Variants in PRPSAP1 observed in about 807,000 individuals in gnomAD.
PRPSAP1 encodes the protein phosphoribosyl pyrophosphate synthetase associated protein 1.
A neutral mutation model predicts 39.4 loss-of-function variants in PRPSAP1; 31 were observed. That is an observed-to-expected ratio of 0.79 (90% CI 0.59 to 1.06). PRPSAP1 has a LOEUF of 1.06. Ranked by LOEUF, PRPSAP1 falls within the 50% of genes least tolerant of loss-of-function variation. The pLI is 0.00. For synonymous variants in PRPSAP1, 212 were observed against 192.6 expected (o/e 1.10, Z -0.83); for missense variants, 430 against 511.6 (o/e 0.84, Z 1.54).
At chr17:76,331,161 C>G (rs1157235753) in intron 4 of PRPSAP1, among the ~76,000 whole-genome samples, 1 of 152,070 alleles carries the variant, frequency 6.6e-6, no homozygotes, top group East Asian at 1.9e-4. Flanking sequence ...AAGAATGTTT[C>G]AAGTATTCTT....
At chr17:76,313,109 T>C in intron 8 of PRPSAP1, 93 bp from the exon 9 acceptor site, 1 of 1,399,000 alleles carries the variant, frequency 7.1e-7, no homozygotes, top group Non-Finnish European at 9.5e-7. Context: ...CTGCACTCAG[T>C]TTCAGAGGAT....
chr17:76,336,683 G>T (rs1219807783), intron 3 of PRPSAP1, among the ~76,000 whole-genome samples: 2 of 130,144 alleles, frequency 1.5e-5, no homozygotes, highest in Admixed American at 1.8e-4. Context: ...GGTGAGCCGA[G>T]ATCATGCCAT....
intron 1 of PRPSAP1, among the ~76,000 whole-genome samples, chr17:76,352,134 C>T (rs1463734045): frequency 6.6e-6 from 1 of 151,610 alleles, no homozygotes; most frequent in Non-Finnish European, 1.5e-5. Flanking sequence ...CATTTCCCCC[C>T]AGAAGTTTAA....
intron 3 of PRPSAP1, among the ~76,000 whole-genome samples, chr17:76,333,447 G>A (rs1054915276): frequency 5.3e-5 from 8 of 151,828 alleles, no homozygotes; most frequent in Non-Finnish European, 1.0e-4. Flanking sequence ...GAGGCTGGAC[G>A]CAGCCCAGCC....
At chr17:76,332,235 G>GTCC (rs1205156531) in intron 4 of PRPSAP1, 28 bp downstream of exon 4, 3 of 1,608,470 alleles carry the variant, frequency 1.9e-6, no homozygotes, top group African/African-American at 2.7e-5. Context: ...GATCATGCTG[G>GTCC]AACCCCAGGG....
chr17:76,315,698 C>T (rs967974592), intron 7 of PRPSAP1, among the ~76,000 whole-genome samples: 46 of 120,380 alleles, frequency 3.8e-4, no homozygotes, highest in African/African-American at 1.9e-3. Context: ...TTGACCTATC[C>T]GCTTTTTTTT....
chr17:76,344,952 T>G (rs2071480007), intron 2 of PRPSAP1, among the ~76,000 whole-genome samples: 1 of 151,002 alleles, frequency 6.6e-6, no homozygotes, highest in African/African-American at 2.4e-5. Flanking sequence ...AATACAAGAA[T>G]TAGCTGGGCG....
chr17:76,329,074 A>G (rs1218535905), intron 6 of PRPSAP1: 1 of 360,166 alleles, frequency 2.8e-6, no homozygotes, highest in Non-Finnish European at 4.8e-6. Flanking sequence ...GATTCTAGAC[A>G]TTTTTTTTTT....
At chr17:76,312,802 T>G (rs2071082220) in intron 9 of PRPSAP1, 68 bp downstream of exon 9, 3 of 1,547,630 alleles carry the variant, frequency 1.9e-6, no homozygotes, top group African/African-American at 1.4e-5. Context: ...TAGTATTGAC[T>G]GAATCATTTT....
At chr17:76,330,851 A>G (rs563865953) in intron 4 of PRPSAP1, among the ~76,000 whole-genome samples, 185 bp from the exon 5 acceptor site, 1 of 152,334 alleles carries the variant, frequency 6.6e-6, no homozygotes, top group East Asian at 1.9e-4. Context: ...GAAGGCTACA[A>G]CCTTCCACAT....
At chr17:76,332,159 A>G (rs569615401) in intron 4 of PRPSAP1, 104 bp downstream of exon 4, 1 of 1,390,292 alleles carries the variant, frequency 7.2e-7, no homozygotes, top group South Asian at 1.4e-5. Flanking sequence ...AAAGGAAACA[A>G]ACACTCAGAT....
intron 3 of PRPSAP1, among the ~76,000 whole-genome samples, chr17:76,342,642 C>T (rs903426577): frequency 6.6e-6 from 1 of 151,038 alleles, no homozygotes; most frequent in Non-Finnish European, 1.5e-5. Context: ...GCTTTGAGTT[C>T]AGGAGCTTAA....
chr17:76,326,329 T>C (rs1567801730), intron 7 of PRPSAP1, among the ~76,000 whole-genome samples: 1 of 152,184 alleles, frequency 6.6e-6, no homozygotes, highest in Non-Finnish European at 1.5e-5. Flanking sequence ...TAGATGTTCA[T>C]TTTGATGAGA....
At chr17:76,345,119 C>T (rs909134270) in intron 2 of PRPSAP1, among the ~76,000 whole-genome samples, 3 of 151,320 alleles carry the variant, frequency 2.0e-5, no homozygotes, top group South Asian at 2.1e-4. Context: ...CCTGTAGTCC[C>T]AGCTACTCGG....
intron 3 of PRPSAP1, among the ~76,000 whole-genome samples, chr17:76,343,975 C>T (rs975776019): frequency 6.6e-6 from 1 of 151,962 alleles, no homozygotes; most frequent in African/African-American, 2.4e-5. Flanking sequence ...TTTGGTGAGA[C>T]AGTCTCACTC....
chr17:76,341,252 T>C (rs1255443983), intron 3 of PRPSAP1, among the ~76,000 whole-genome samples: 3 of 109,466 alleles, frequency 2.7e-5, no homozygotes, highest in Non-Finnish European at 6.2e-5. Context: ...TTTTTTTTTT[T>C]TTTGAGATAA....
In PRPSAP1 at chr17:76,324,236, G is replaced by A. The variant is rs117918637; in HGVS notation, c.781+4481C>T. 6.8e-3 allele frequency among the ~76,000 whole-genome samples: 1,039 copies of A among 151,956 alleles called. 42 individuals carry two copies. The highest frequency in any genetic ancestry group is 0.049 in the East Asian group (254 of 5,170). ...ATAAGTGTGATCATTGGGTGTTCAC[G>A]CTTACATGTGAGATGTGCCATCCTT... On this transcript the variant is annotated intron_variant, in intron 7 of 9. Transcript: ENST00000446526.
At chr17:76,312,593 T>A (rs1403360838) in intron 9 of PRPSAP1, among the ~76,000 whole-genome samples, 4 of 152,220 alleles carry the variant, frequency 2.6e-5, no homozygotes, top group Non-Finnish European at 5.9e-5. Context: ...GCGATTATTT[T>A]AAAATAAAGT....
Position 76,311,458 on chromosome 17 carries a change from C to G in PRPSAP1, c.*84G>C. 1 of 1,456,958 alleles carries G rather than the reference C, an allele frequency of 6.9e-7. No homozygotes were observed. Among genetic ancestry groups the G allele is most frequent in the Non-Finnish European group, 9.2e-7 (1 of 1,084,634 alleles). The allele number at this position is 1,456,958 out of a possible 1,614,324, so 90.3% of individuals were successfully genotyped here. A position where few individuals can be genotyped will look rare whatever the true frequency, so the allele number is the denominator to read the frequency against. ...AACTCCAGGCTGTTTCGAGTCCTCC[C>G]TTGCAAGGAAACACTGTATCACTCA... On this transcript the variant is annotated 3_prime_UTR_variant, in exon 10 of 10. Coordinates refer to ENST00000446526, the MANE Select transcript of PRPSAP1 (RefSeq NM_002766.3).
Sources: allele counts gnomAD v4.1 joint callset (sites outside exome capture counted in the v4.1 genomes callset), GRCh38; gene constraint gnomAD v4.1.1; transcripts MANE v1.5; gene names NCBI Gene and HGNC (gene_info 2026-07-23, HGNC 2026-07-21).